The following UNC13C variants were observed in gnomAD, a reference collection of about 807,000 sequenced individuals.
UNC13C encodes unc-13 homolog C, also known as protein unc-13 homolog C.
UNC13C carries 174 observed loss-of-function variants against 245.4 expected under a neutral mutation model. The observed-to-expected ratio is 0.71, with a 90% CI of 0.63 to 0.80. The LOEUF is 0.80. Ranked by LOEUF, UNC13C falls within the 30% of genes least tolerant of loss-of-function variation. The pLI is 0.00. For synonymous variants in UNC13C, 992 were observed against 895.1 expected (o/e 1.11, Z -1.93); for missense variants, 2,829 against 2,602.9 (o/e 1.09, Z -1.89).
At chr15:53,892,062 C>A in the UNC13C span, among the ~76,000 whole-genome samples, 1 of 151,634 alleles carries the variant, frequency 6.6e-6, no homozygotes, top group African/African-American at 2.4e-5. Context: ...AGCCTTACAC[C>A]ACCACCAGGT....
intron 25 of UNC13C, among the ~76,000 whole-genome samples, chr15:54,526,699 G>A (rs1047342857): frequency 3.6e-5 from 5 of 137,506 alleles, no homozygotes; most frequent in Admixed American, 3.1e-4. Context: ...AGCCGAGATC[G>A]CACCACTGCA....
intron 2 of UNC13C, among the ~76,000 whole-genome samples, chr15:54,086,403 C>T (rs533320813): frequency 6.6e-6 from 1 of 152,166 alleles, no homozygotes; most frequent in Non-Finnish European, 1.5e-5. Context: ...AATTATGTTC[C>T]TTATCTCCTT....
chr15:53,889,601 T>C, the UNC13C span, among the ~76,000 whole-genome samples: 1,906 of 152,162 alleles, frequency 0.013, 38 homozygotes, highest in African/African-American at 0.045. Flanking sequence ...TGAATAGGAG[T>C]GGTGAGAGAG....
At chr15:54,510,628 G>A (rs1224742326) in intron 23 of UNC13C, among the ~76,000 whole-genome samples, 1 of 152,160 alleles carries the variant, frequency 6.6e-6, no homozygotes, top group Non-Finnish European at 1.5e-5. Flanking sequence ...CACTTTAAGA[G>A]TCAAGTAGAA....
chr15:54,627,326 G>GTGAAATATCAAGAACA lies in UNC13C; in HGVS notation c.*214_*229dup, dbSNP rs1901243661. Reference sequence around the variant, plus strand: ...TGAAGTGCCAAAATTATGATGTAAAGTGAAATATCAAGAACACCTTTTAAC... The same window carrying GTGAAATATCAAGAACA: ...TGAAGTGCCAAAATTATGATGTAAAGTGAAATATCAAGAACATGAAATATCAAGAACACCTTTTAAC... On this transcript the variant is annotated 3_prime_UTR_variant, in exon 33 of 33. Coordinates refer to ENST00000260323, the MANE Select transcript of UNC13C (RefSeq NM_001080534.3). 2.3e-6 allele frequency: 1 copy of GTGAAATATCAAGAACA among 437,694 alleles called. No individual in the cohort carries two copies. The allele number at this position is 437,694 out of a possible 1,614,324, so 27.1% of individuals were successfully genotyped here.
chr15:53,891,528 T>C, the UNC13C span, among the ~76,000 whole-genome samples: 3 of 152,224 alleles, frequency 2.0e-5, no homozygotes, highest in Non-Finnish European at 4.4e-5. Context: ...ACTTGCTTTA[T>C]GAATGTGGGT....
At chr15:54,597,247 G>A (rs182458903) in intron 30 of UNC13C, among the ~76,000 whole-genome samples, 1 of 152,268 alleles carries the variant, frequency 6.6e-6, no homozygotes, top group African/African-American at 2.4e-5. Flanking sequence ...TTCCTAACAG[G>A]CCACAGACCG....
chr15:54,604,032 T>C (rs1040661293), intron 30 of UNC13C, among the ~76,000 whole-genome samples: 3 of 152,194 alleles, frequency 2.0e-5, no homozygotes, highest in African/African-American at 7.2e-5. Context: ...TTCACATGCC[T>C]GGTACACGGT....
At chr15:54,420,290 C>T (rs919933135) in intron 19 of UNC13C, among the ~76,000 whole-genome samples, 1 of 151,962 alleles carries the variant, frequency 6.6e-6, no homozygotes, top group South Asian at 2.1e-4. Flanking sequence ...TGAGTAGTTG[C>T]GGGCTGTCAG....
intron 13 of UNC13C, among the ~76,000 whole-genome samples, chr15:54,300,859 G>C (rs914062840): frequency 6.6e-6 from 1 of 152,122 alleles, no homozygotes; most frequent in South Asian, 2.1e-4. Flanking sequence ...ATGGTGTCTT[G>C]TTCCAAATTT....
intron 7 of UNC13C, 121 bp downstream of exon 7, chr15:54,237,811 G>A: frequency 4.9e-6 from 4 of 823,382 alleles, no homozygotes; most frequent in East Asian, 2.7e-5. Context: ...AAATAACTGG[G>A]AGCATGAGGA....
chr15:54,276,936 A>G lies in UNC13C; in HGVS notation c.3818+11440A>G, dbSNP rs192832729. Among the ~76,000 whole-genome samples, 20 of 152,228 alleles carry G rather than the reference A, an allele frequency of 1.3e-4. No homozygotes were observed. The East Asian group carries it at 3.5e-3, about 26-fold the overall frequency. On this transcript the variant is annotated intron_variant, in intron 10 of 32. Transcript: ENST00000260323. ...AAGTAAGCATAAAAATATGTTTAAT[A>G]ATTATTTTCAAAAGATAATTTCTAT...
At chr15:54,197,387 C>A (rs2034389134) in intron 4 of UNC13C, among the ~76,000 whole-genome samples, 1 of 151,584 alleles carries the variant, frequency 6.6e-6, no homozygotes, top group Non-Finnish European at 1.5e-5. Flanking sequence ...CACTTGAACC[C>A]AGGAGGCGGA....
At chr15:54,532,042 T>G (rs1028465535) in intron 25 of UNC13C, among the ~76,000 whole-genome samples, 1 of 152,228 alleles carries the variant, frequency 6.6e-6, no homozygotes, top group African/African-American at 2.4e-5. Flanking sequence ...TATGTTATGT[T>G]CAGGGGTATA....
chr15:54,403,010 C>T (rs1404910374), intron 18 of UNC13C, among the ~76,000 whole-genome samples: 3 of 152,214 alleles, frequency 2.0e-5, no homozygotes, highest in Non-Finnish European at 4.4e-5. Flanking sequence ...TGAGTAGGTG[C>T]TCCACAATGG....
intron 30 of UNC13C, among the ~76,000 whole-genome samples, chr15:54,581,891 G>C (rs1898218582): frequency 6.6e-6 from 1 of 152,114 alleles, no homozygotes; most frequent in African/African-American, 2.4e-5. Context: ...GAAGTAGATT[G>C]TCATCAGAAC....
intron 17 of UNC13C, among the ~76,000 whole-genome samples, chr15:54,351,698 A>AT (rs1423757659): frequency 2.0e-5 from 3 of 152,116 alleles, no homozygotes; most frequent in Admixed American, 6.5e-5. Context: ...TCACCAATGC[A>AT]TTTTTTATAT....
At chr15:54,582,586 G>T (rs1463840214) in intron 30 of UNC13C, among the ~76,000 whole-genome samples, 2 of 152,040 alleles carry the variant, frequency 1.3e-5, no homozygotes, top group Non-Finnish European at 2.9e-5. Context: ...TGAAGATGAG[G>T]GCAGAGTAAA....
chr15:54,038,124 A>AAAAATTTTTTTTTTTTTTTT (rs1555406259), intron 2 of UNC13C, among the ~76,000 whole-genome samples: 2 of 45,032 alleles, frequency 4.4e-5, no homozygotes, highest in African/African-American at 2.1e-4. Flanking sequence ...ATATATATAT[A>AAAAATTTTTTTTTTTTTTTT]TTTTTTTTTT....
Sources: gnomAD v4.1 joint callset for allele counts (sites outside exome capture counted in the v4.1 genomes callset) on GRCh38, gnomAD v4.1.1 for gene constraint, MANE v1.5 for transcripts, NCBI Gene and HGNC (gene_info 2026-07-23, HGNC 2026-07-21) for gene names.